The following SIMC1 variants were observed in gnomAD, a reference collection of about 807,000 sequenced individuals.
SIMC1 encodes the protein SUMO interacting motifs containing 1, also known as SUMO-interacting motif-containing protein 1.
A neutral mutation model predicts 82.3 loss-of-function variants in SIMC1; 55 were observed. The observed-to-expected ratio is 0.67, with a 90% CI of 0.54 to 0.84. The LOEUF (loss-of-function observed/expected upper bound fraction) is 0.84. SIMC1 is among the 40% of genes least tolerant of loss of function. The probability of loss-of-function intolerance (pLI) is 0.00; values close to 1 mark genes in which losing one functional copy is unlikely to be tolerated. For synonymous variants in SIMC1, 353 were observed against 426.3 expected (o/e 0.83, Z 2.12); for missense variants, 915 against 1,107.2 (o/e 0.83, Z 2.46).
At chr5:176,327,456 C>T (rs982563976) in intron 7 of SIMC1, among the ~76,000 whole-genome samples, 4 of 152,182 alleles carry the variant, frequency 2.6e-5, no homozygotes, top group Non-Finnish European at 5.9e-5. Flanking sequence ...ACCCTGCAAC[C>T]TTAATAAATT....
intron 4 of SIMC1, chr5:176,313,371 T>G: frequency 6.6e-7 from 1 of 1,525,268 alleles, no homozygotes; most frequent in Non-Finnish European, 8.8e-7. Flanking sequence ...TCCTAGAGAT[T>G]CCAGTAGATA....
intron 4 of SIMC1, among the ~76,000 whole-genome samples, chr5:176,305,027 C>T (rs866010142): frequency 0.017 from 2,475 of 144,720 alleles, no homozygotes; most frequent in Middle Eastern, 0.035. Context: ...CCTCTCCGCC[C>T]GGCAGCCACC....
intron 7 of SIMC1, among the ~76,000 whole-genome samples, chr5:176,331,327 G>A (rs986518504): frequency 1.0e-4 from 15 of 149,186 alleles, no homozygotes; most frequent in South Asian, 2.2e-4. Context: ...CCGCGATCGC[G>A]CCACTGCACT....
At chr5:176,244,717 TC>T (rs1412134303) in intron 1 of SIMC1, among the ~76,000 whole-genome samples, 7 of 146,070 alleles carry the variant, frequency 4.8e-5, no homozygotes, top group South Asian at 2.2e-4. Flanking sequence ...TTTTTTTTTT[TC>T]CTTTTTTTTT....
chr5:176,275,835 G>T lies in SIMC1; in HGVS notation c.130-13819G>T, dbSNP rs1461555594. 8.6e-5 allele frequency among the ~76,000 whole-genome samples: 13 copies of T among 151,760 alleles called. 1 individual carries two copies. The East Asian group carries it at 2.1e-3, about 25-fold the overall frequency. On this transcript the variant is annotated intron_variant, in intron 1 of 9. Transcript: ENST00000429602. ...CAGGGATGAAGCCCACTTGATCATG[G>T]TGGATAAGCTTTTTGATGTGCTGCT...
chr5:176,313,814 C>T lies in SIMC1; in HGVS notation c.1858C>T (p.Leu620Phe). 2 of 1,613,782 alleles carry T rather than the reference C, an allele frequency of 1.2e-6. No homozygotes were observed. The highest frequency in any genetic ancestry group is 1.7e-6 in the Non-Finnish European group (2 of 1,179,888). The stretch of plus-strand genomic sequence containing the variant: ...GCAGCAATCCATTGCAAACATGGTG[C>T]TTTCCTGTGACAAGCAGCCCCACAA... ...HLQQSIANMVLSCDKQPHNVR... is the reference protein window; with the variant it reads ...HLQQSIANMVFSCDKQPHNVR... Residue 620 changes from leucine (L) to phenylalanine (F), a missense_variant, in exon 5 of 10, where the codon CTT becomes TTT. Transcript: ENST00000429602.
intron 7 of SIMC1, among the ~76,000 whole-genome samples, chr5:176,330,251 A>AT (rs1334762171): frequency 6.6e-6 from 1 of 152,140 alleles, no homozygotes; most frequent in Non-Finnish European, 1.5e-5. Flanking sequence ...AAATAAAAAA[A>AT]TTAGCTGGGC....
At chr5:176,328,409 G>A (rs80224962) in intron 7 of SIMC1, among the ~76,000 whole-genome samples, 8,746 of 152,076 alleles carry the variant, frequency 0.058, 335 homozygotes, top group African/African-American at 0.11. Context: ...AGGAGAAAAG[G>A]TACTGGGCTC....
At chr5:176,307,025 T>A (rs1581287457) in intron 4 of SIMC1, among the ~76,000 whole-genome samples, 3 of 152,258 alleles carry the variant, frequency 2.0e-5, no homozygotes, top group African/African-American at 7.2e-5. Context: ...AAAGATGATA[T>A]GGAAATGGCC....
At chr5:176,285,590 C>G (rs1262416299) in intron 1 of SIMC1, among the ~76,000 whole-genome samples, 6 of 151,594 alleles carry the variant, frequency 4.0e-5, no homozygotes, top group Non-Finnish European at 7.4e-5. Context: ...GACAGGGATG[C>G]CCTCTCTCAC....
In SIMC1 at chr5:176,274,781, T is replaced by G. The variant is rs547633872; in HGVS notation, c.130-14873T>G. On this transcript the variant is annotated intron_variant, in intron 1 of 9. Transcript: ENST00000429602. Reference sequence around the variant, plus strand: ...CTAGGGAATCCTTTCCCCATTGCTTTTTTTTCTCAGGTTTGTCAAAGATCA... The same window carrying G: ...CTAGGGAATCCTTTCCCCATTGCTTGTTTTTCTCAGGTTTGTCAAAGATCA... Among the ~76,000 whole-genome samples the G allele has an allele frequency of 7.4e-3, 1,120 of 151,974 alleles. 27 individuals carry two copies. Among genetic ancestry groups the G allele is most frequent in the Non-Finnish European group, 0.011 (771 of 67,864 alleles).
chr5:176,315,613 C>T (rs1031507227), intron 5 of SIMC1, among the ~76,000 whole-genome samples: 83 of 152,276 alleles, frequency 5.5e-4, no homozygotes, highest in African/African-American at 1.9e-3. Context: ...TCCACATTTA[C>T]GCTCTCATAT....
intron 4 of SIMC1, among the ~76,000 whole-genome samples, chr5:176,298,811 A>G (rs933704381): frequency 6.6e-5 from 10 of 152,224 alleles, no homozygotes; most frequent in African/African-American, 2.4e-4. Context: ...TAAGATATCT[A>G]TAGAATATAA....
chr5:176,305,646 G>C (rs1581282561), intron 4 of SIMC1, among the ~76,000 whole-genome samples: 1 of 118,168 alleles, frequency 8.5e-6, no homozygotes, highest in African/African-American at 3.4e-5. Context: ...CTGCCCGGCT[G>C]CCCCTACTGG....
chr5:176,301,315 A>C (rs549096700), intron 4 of SIMC1, among the ~76,000 whole-genome samples: 47 of 152,256 alleles, frequency 3.1e-4, no homozygotes, highest in African/African-American at 9.1e-4. Flanking sequence ...TTGCCTACTG[A>C]CATGTAAGAT....
chr5:176,320,047 G>T (rs1765090344), intron 5 of SIMC1, among the ~76,000 whole-genome samples: 1 of 152,140 alleles, frequency 6.6e-6, no homozygotes, highest in Non-Finnish European at 1.5e-5. Flanking sequence ...CTCTTGCGCT[G>T]GTTCGGTTTT....
intron 1 of SIMC1, among the ~76,000 whole-genome samples, chr5:176,289,114 C>G (rs1396800051): frequency 2.6e-5 from 4 of 152,192 alleles, no homozygotes; most frequent in African/African-American, 9.7e-5. Flanking sequence ...GTTTGAATGT[C>G]TGTCTCTGCT....
chr5:176,327,030 A>C (rs1366135619), intron 7 of SIMC1, among the ~76,000 whole-genome samples: 2 of 152,210 alleles, frequency 1.3e-5, no homozygotes. Context: ...CAGACAGAAG[A>C]AAGTGCACAT....
At chr5:176,292,326 G>A (rs1185102803) in intron 2 of SIMC1, among the ~76,000 whole-genome samples, 4 of 152,098 alleles carry the variant, frequency 2.6e-5, no homozygotes, top group African/African-American at 9.7e-5. Context: ...TTTTAGTTAT[G>A]TACATCCCAT....
Sources: gnomAD v4.1 joint callset for allele counts (sites outside exome capture counted in the v4.1 genomes callset) on GRCh38, gnomAD v4.1.1 for gene constraint, MANE v1.5 for transcripts, NCBI Gene and HGNC (gene_info 2026-07-23, HGNC 2026-07-21) for gene names.